EDEM3: variants seen among roughly 807,000 people sequenced by gnomAD.
EDEM3 encodes ER degradation enhancing alpha-mannosidase like protein 3, also known as ER degradation-enhancing alpha-mannosidase-like protein 3.
Under a neutral mutation model 110.2 loss-of-function variants are expected in EDEM3, and 60 were observed. The ratio of observed to expected loss-of-function variants is 0.54; its 90% CI spans 0.44 to 0.67. EDEM3 has a LOEUF of 0.67. EDEM3 is among the 30% of genes least tolerant of loss of function. EDEM3 has a pLI of 0.00. For synonymous variants in EDEM3, 352 were observed against 382.9 expected, an observed-to-expected ratio of 0.92 and a Z score of 0.94; for missense variants, 996 against 1,121.0, an observed-to-expected ratio of 0.89 and a Z score of 1.59.
intron 2 of EDEM3, 99 bp from the exon 3 acceptor site, chr1:184,737,810 T>C: frequency 2.0e-6 from 2 of 998,530 alleles, no homozygotes; most frequent in Non-Finnish European, 2.9e-6. Flanking sequence ...AAAATAATAG[T>C]CAAAAGTTGT....
chr1:184,728,867 C>T (rs1389624190), intron 6 of EDEM3, among the ~76,000 whole-genome samples: 1 of 152,152 alleles, frequency 6.6e-6, no homozygotes, highest in East Asian at 1.9e-4. Context: ...CTTGGCCTCC[C>T]AAAGTGCTGG....
intron 2 of EDEM3, among the ~76,000 whole-genome samples, chr1:184,743,513 C>A (rs981647615): frequency 1.3e-5 from 2 of 151,990 alleles, no homozygotes; most frequent in African/African-American, 4.8e-5. Context: ...TCATAATAGA[C>A]CCTCCATATC....
chr1:184,754,534 G>A lies in EDEM3; in HGVS notation c.113C>T (p.Thr38Met). 7 of 1,613,048 alleles carry A rather than the reference G, an allele frequency of 4.3e-6. No individual in the cohort carries two copies. The highest frequency in any genetic ancestry group is 5.9e-6 in the Non-Finnish European group (7 of 1,179,774). The change falls in exon 1 of 20, where the codon ACG (threonine) becomes ATG (methionine). Residue 38 changes from threonine (T) to methionine (M), a missense_variant. By Grantham distance (81) the Thr-to-Met change is moderately conservative. This residue lies in a region of EDEM3 where 200 missense variants were observed against 183.8 expected (regional missense o/e 1.09). Transcript: ENST00000318130. Reference protein sequence around the residue: ...FCLVSATSVWTAGAEPMSREE... With the variant: ...FCLVSATSVWMAGAEPMSREE... ...CCTACTCATGGGCTCGGCCCCCGCC[G>A]TCCACACGGAGGTGGCCGACACCAG...
At position 184,754,685 on chromosome 1, in the gene EDEM3, G is replaced by A. The variant is rs1355415876; in HGVS notation, c.-39C>T. ...CGCGCACGCGCAGCTGCTACGCCCGGCCGGTGAGACACATTGCTGGACGCT... is the reference window on the plus strand; with the variant it reads ...CGCGCACGCGCAGCTGCTACGCCCGACCGGTGAGACACATTGCTGGACGCT... On this transcript the variant is annotated 5_prime_UTR_variant, in exon 1 of 20. Transcript: ENST00000318130. The A allele has an allele frequency of 2.0e-6, 3 of 1,501,456 alleles. No individual in the cohort carries two copies. The highest frequency in any genetic ancestry group is 1.8e-6 in the Non-Finnish European group (2 of 1,127,558). 93.0% of individuals were successfully genotyped at this position (1,501,456 alleles called of 1,614,324 possible).
chr1:184,710,434 A>G lies in EDEM3; in HGVS notation c.1805T>C (p.Leu602Pro). The G allele has an allele frequency of 6.2e-7, 1 of 1,613,936 alleles. No individual in the cohort carries two copies. Among genetic ancestry groups the G allele is most frequent in the South Asian group, 1.1e-5 (1 of 91,074 alleles). Residue 602 changes from leucine to proline, a missense_variant, in exon 16 of 20, where the codon CTC (leucine) becomes CCC (proline). Physicochemically the swap from Leu to Pro is moderately conservative, Grantham distance 98. Coordinates refer to ENST00000318130, the MANE Select transcript of EDEM3 (RefSeq NM_025191.4). ...LKKMGVSLIH[L>P]KDGRVQLVQH... ...GACCAACTGGACTCTCCCATCTTTG[A>G]GGTGAATCAAACTCACCCCCATCTT...
At chr1:184,695,545 C>T (rs555077346) in intron 19 of EDEM3, among the ~76,000 whole-genome samples, 12 of 151,826 alleles carry the variant, frequency 7.9e-5, no homozygotes, top group African/African-American at 1.7e-4. Flanking sequence ...CCTAATACAA[C>T]GTAAATGTTA....
At position 184,723,746 on chromosome 1, in the gene EDEM3, C is replaced by T; in HGVS notation, c.853+5G>A. 6.3e-7 allele frequency: 1 copy of T among 1,585,544 alleles called. No individual in the cohort carries two copies. Among genetic ancestry groups the T allele is most frequent in the Non-Finnish European group, 8.6e-7 (1 of 1,166,164 alleles). On this transcript the variant is annotated splice_donor_5th_base_variant and intron_variant, in intron 8 of 19. Transcript: ENST00000318130. ...GGCTTGATTTAAAAAGCCTAACTTACATACCTTTTCGTACCCAATCTCCAG... is the reference window on the plus strand; with the variant it reads ...GGCTTGATTTAAAAAGCCTAACTTATATACCTTTTCGTACCCAATCTCCAG...
At chr1:184,725,362 A>G (rs1372626110) in intron 7 of EDEM3, among the ~76,000 whole-genome samples, 1 of 152,128 alleles carries the variant, frequency 6.6e-6, no homozygotes, top group Non-Finnish European at 1.5e-5. Flanking sequence ...CTGCATCAAT[A>G]TCTGAGAGTG....
chr1:184,738,261 TG>T (rs1182620982), intron 2 of EDEM3, among the ~76,000 whole-genome samples: 3 of 152,204 alleles, frequency 2.0e-5, no homozygotes, highest in Admixed American at 1.3e-4. Context: ...CACAATGCTC[TG>T]AAGTAGATTC....
Position 184,732,873 on chromosome 1 carries a change from C to CT in EDEM3, c.575_576insA (p.Ala193GlyfsTer14). 1 of 1,613,674 alleles carries CT rather than the reference C, an allele frequency of 6.2e-7. No individual in the cohort carries two copies. Among genetic ancestry groups the CT allele is most frequent in the Non-Finnish European group, 8.5e-7 (1 of 1,179,762 alleles). ...GAAGGCCACTGGTAGTGTTGAAAGC[C>CT]GGTAAAAGTTTGTAACCTAACTGCT... On this transcript the variant is annotated frameshift_variant, in exon 6 of 20. Coordinates refer to ENST00000318130, the MANE Select transcript of EDEM3 (RefSeq NM_025191.4). LOFTEE classifies it high-confidence loss of function.
chr1:184,754,252 G>C (rs1425920521), intron 1 of EDEM3, among the ~76,000 whole-genome samples: 1 of 152,164 alleles, frequency 6.6e-6, no homozygotes, highest in Non-Finnish European at 1.5e-5. Context: ...CTGGCTTCAA[G>C]GAGCCTGCAC....
intron 16 of EDEM3, among the ~76,000 whole-genome samples, chr1:184,708,580 C>T (rs1650061346): frequency 6.6e-6 from 1 of 152,116 alleles, no homozygotes. Context: ...TTCTATAAAC[C>T]ACTTTTGATT....
chr1:184,694,033 T>C lies in EDEM3; in HGVS notation c.*30A>G. The C allele has an allele frequency of 6.3e-7, 1 of 1,586,588 alleles. No homozygotes were observed. Among genetic ancestry groups the C allele is most frequent in the South Asian group, 1.1e-5 (1 of 87,160 alleles). On this transcript the variant is annotated 3_prime_UTR_variant, in exon 20 of 20. Transcript: ENST00000318130. ...CCACACACAGTTTACCTTTTCTTTT[T>C]AAATACCTACCAACAGATTGTTTAG...
chr1:184,728,999 T>C (rs1402644056), intron 6 of EDEM3, among the ~76,000 whole-genome samples: 1 of 152,144 alleles, frequency 6.6e-6, no homozygotes, highest in African/African-American at 2.4e-5. Flanking sequence ...AAGGGTTCAG[T>C]GCTTTTTTTG....
chr1:184,711,693 T>C (rs1650240833), intron 15 of EDEM3, 30 bp downstream of exon 15: 2 of 1,540,506 alleles, frequency 1.3e-6, no homozygotes, highest in South Asian at 1.3e-5. Flanking sequence ...ACAACTTTGA[T>C]ATTAGAAAAT....
At chr1:184,725,110 C>A (rs1294910168) in intron 7 of EDEM3, among the ~76,000 whole-genome samples, 1 of 152,116 alleles carries the variant, frequency 6.6e-6, no homozygotes, top group Non-Finnish European at 1.5e-5. Flanking sequence ...GTTTGCCAAC[C>A]CTGTATTATA....
Position 184,719,259 on chromosome 1 carries a change from A to G in EDEM3, c.1078-14T>C. ...CCCCTTTAACACCTAGAAATCAACA[A>G]CAATAAAATTACCTAATAAAATATG... On this transcript the variant is annotated splice_polypyrimidine_tract_variant and intron_variant, in intron 10 of 19. Coordinates refer to ENST00000318130, the MANE Select transcript of EDEM3 (RefSeq NM_025191.4). 6.5e-7 allele frequency: 1 copy of G among 1,540,644 alleles called. No homozygotes were observed. Among genetic ancestry groups the G allele is most frequent in the Non-Finnish European group, 8.7e-7 (1 of 1,146,274 alleles).
rs958552501 is a variant in EDEM3 at position 184,691,780 on chromosome 1, T to C, written c.*2283A>G. 6.6e-6 allele frequency: 1 copy of C among 152,166 alleles called. No individual in the cohort carries two copies. Among genetic ancestry groups the C allele is most frequent in the Non-Finnish European group, 1.5e-5 (1 of 68,002 alleles). 9.4% of individuals were successfully genotyped at this position (152,166 alleles called of 1,614,324 possible). A position where few individuals can be genotyped will look rare whatever the true frequency, so the allele number is the denominator to read the frequency against. On this transcript the variant is annotated 3_prime_UTR_variant, in exon 20 of 20. Transcript: ENST00000318130. ...TCCTCTTTTCTTAACTAGGGAAATA[T>C]TGAGTATAATTCCTTCTGGGTATTA...
At chr1:184,706,558 T>C (rs1649937938) in intron 18 of EDEM3, 85 bp downstream of exon 18, 3 of 1,310,744 alleles carry the variant, frequency 2.3e-6, no homozygotes, top group African/African-American at 1.5e-5. Flanking sequence ...ACAAACTCTT[T>C]GATAAAATTT....
Sources: allele counts gnomAD v4.1 joint callset (sites outside exome capture counted in the v4.1 genomes callset), GRCh38; gene constraint gnomAD v4.1.1; regional missense constraint gnomAD v4.1.1; transcripts MANE v1.5; gene names NCBI Gene and HGNC (gene_info 2026-07-23, HGNC 2026-07-21).